ANO4: variants seen among roughly 807,000 people sequenced by gnomAD.
The protein encoded by ANO4 is anoctamin-4.
In ANO4, 69 loss-of-function variants were observed where a neutral mutation model predicts 141.9. That is an observed-to-expected ratio of 0.49 (90% CI 0.40 to 0.59). The LOEUF is 0.59. Among genes scored for constraint, ANO4 ranks in the 20% least tolerant of loss-of-function variants. ANO4 has a pLI of 0.00. For missense variants in ANO4, 894 were observed against 1,162.2 expected (o/e 0.77, Z 3.36); for synonymous variants, 350 against 394.3 (o/e 0.89, Z 1.33).
intron 24 of ANO4, among the ~76,000 whole-genome samples, chr12:101,114,334 C>T (rs937583426): frequency 1.3e-5 from 2 of 152,190 alleles, no homozygotes; most frequent in African/African-American, 2.4e-5. Flanking sequence ...GTCTAGCTGT[C>T]CGTGCATCTT....
chr12:100,902,843 C>T (rs184665757), intron 2 of ANO4, among the ~76,000 whole-genome samples: 84 of 152,322 alleles, frequency 5.5e-4, no homozygotes, highest in African/African-American at 2.0e-3. Context: ...TGTCTTTGAC[C>T]AAGCTCTTAC....
intron 7 of ANO4, among the ~76,000 whole-genome samples, chr12:100,986,249 C>G (rs2044702842): frequency 6.6e-6 from 1 of 152,112 alleles, no homozygotes; most frequent in African/African-American, 2.4e-5. Flanking sequence ...AAGAAGGAGG[C>G]CTAGGAAACC....
intron 14 of ANO4, among the ~76,000 whole-genome samples, chr12:101,059,286 G>T (rs554460077): frequency 6.6e-6 from 1 of 152,116 alleles, no homozygotes; most frequent in Non-Finnish European, 1.5e-5. Flanking sequence ...GAGGATTTTC[G>T]CATAGATGTT....
chr12:100,995,301 C>T (rs1457260847), intron 8 of ANO4, among the ~76,000 whole-genome samples: 2 of 152,016 alleles, frequency 1.3e-5, no homozygotes, highest in African/African-American at 4.8e-5. Context: ...AAAACCAAGG[C>T]CCTAATCTGG....
intron 1 of ANO4, chr12:100,858,924 C>A (rs1045610115): frequency 6.6e-6 from 1 of 152,086 alleles, no homozygotes; most frequent in Admixed American, 6.6e-5. Flanking sequence ...GGAAGTGCCA[C>A]GTACTAGGTT....
chr12:100,717,676 G>A (rs753094833), intron 1 of ANO4: 1 of 395,162 alleles, frequency 2.5e-6, no homozygotes, highest in Non-Finnish European at 4.5e-6. Context: ...GGAGACGGCG[G>A]CCGTGCGCGC....
intron 9 of ANO4, 104 bp downstream of exon 9, chr12:101,020,244 C>T: frequency 1.4e-6 from 1 of 736,018 alleles, no homozygotes; most frequent in East Asian, 2.7e-5. Context: ...ATGCTTGTCA[C>T]TTATAAAACC....
intron 9 of ANO4, among the ~76,000 whole-genome samples, chr12:101,035,526 T>C (rs573944117): frequency 2.0e-5 from 3 of 152,292 alleles, no homozygotes; most frequent in Admixed American, 6.5e-5. Context: ...TGTATGATTG[T>C]TATACCTCAG....
intron 17 of ANO4, among the ~76,000 whole-genome samples, chr12:101,089,368 A>G (rs1354393734): frequency 1.3e-5 from 2 of 152,136 alleles, no homozygotes; most frequent in East Asian, 3.9e-4. Context: ...ATAAAAAAAA[A>G]AGGGCAGTTG....
At chr12:101,035,959 C>T (rs375425819) in intron 9 of ANO4, among the ~76,000 whole-genome samples, 1 of 152,088 alleles carries the variant, frequency 6.6e-6, no homozygotes, top group South Asian at 2.1e-4. Context: ...ACACAATTTA[C>T]CCATGTCACA....
intron 8 of ANO4, among the ~76,000 whole-genome samples, chr12:100,995,435 T>C (rs1039619665): frequency 1.3e-5 from 2 of 152,218 alleles, no homozygotes; most frequent in African/African-American, 4.8e-5. Context: ...GTAAGGCCTG[T>C]GGGCTTTTAC....
At chr12:100,780,528 C>G (rs1219937333) in intron 3 of ANO4, among the ~76,000 whole-genome samples, 4 of 152,224 alleles carry the variant, frequency 2.6e-5, no homozygotes, top group African/African-American at 4.8e-5. Context: ...AAGGTAACTT[C>G]TGGGTCATTG....
chr12:100,789,959 G>T (rs578254370), upstream of ANO4, among the ~76,000 whole-genome samples: 1 of 152,158 alleles, frequency 6.6e-6, no homozygotes, highest in Non-Finnish European at 1.5e-5. Context: ...AAAACACTGC[G>T]GAAACACAGA....
rs1270940286 is a variant in ANO4 at position 101,042,482 on chromosome 12, T to C, written c.1154+14T>C. 6.2e-7 allele frequency: 1 copy of C among 1,613,866 alleles called. No homozygotes were observed. Among genetic ancestry groups the C allele is most frequent in the African/African-American group, 1.3e-5 (1 of 74,922 alleles). On this transcript the variant is annotated intron_variant, in intron 12 of 27. Transcript: ENST00000392977. ...CAGCCAAGTCAGGTACGGGGAGCTC[T>C]TGGATGAGTTTGCCTTTGTTTAGTA...
intron 25 of ANO4, among the ~76,000 whole-genome samples, chr12:101,117,248 T>G (rs569192622): frequency 6.6e-6 from 1 of 152,286 alleles, no homozygotes; most frequent in East Asian, 1.9e-4. Flanking sequence ...GCCCAGTTCA[T>G]TTCAGGTTCC....
intron 1 of ANO4, among the ~76,000 whole-genome samples, chr12:100,825,657 C>G (rs935344604): frequency 6.6e-6 from 1 of 152,020 alleles, no homozygotes; most frequent in Non-Finnish European, 1.5e-5. Context: ...TTGAGTTAGT[C>G]TTCAGTAACT....
chr12:100,976,137 C>CCTGAG (rs985879261), intron 7 of ANO4, among the ~76,000 whole-genome samples: 54 of 152,040 alleles, frequency 3.6e-4, no homozygotes, highest in Middle Eastern at 6.8e-3. Flanking sequence ...TTTCATTCAC[C>CCTGAG]CTGAGCTGAG....
At chr12:100,895,484 A>G (rs2040303743) in intron 1 of ANO4, among the ~76,000 whole-genome samples, 1 of 152,128 alleles carries the variant, frequency 6.6e-6, no homozygotes, top group Non-Finnish European at 1.5e-5. Flanking sequence ...TGTTATTCAG[A>G]AAAATTTTCA....
At chr12:100,912,032 G>C (rs936596698) in intron 2 of ANO4, among the ~76,000 whole-genome samples, 5 of 152,124 alleles carry the variant, frequency 3.3e-5, no homozygotes, top group African/African-American at 1.2e-4. Flanking sequence ...CTATGGCATA[G>C]GAAGTGAAGT....
Sources: gnomAD v4.1 joint callset for allele counts (sites outside exome capture counted in the v4.1 genomes callset) on GRCh38, gnomAD v4.1.1 for gene constraint, MANE v1.5 for transcripts, NCBI Gene and HGNC (gene_info 2026-07-23, HGNC 2026-07-21) for gene names.